ARNT2: variants seen among roughly 807,000 people sequenced by gnomAD.
ARNT2 encodes the protein ARNT protein 2.
In ARNT2, 36 loss-of-function variants were observed where a neutral mutation model predicts 91.7. The observed-to-expected ratio is 0.39, with a 90% confidence interval of 0.30 to 0.52. ARNT2 has a LOEUF of 0.52. Among genes scored for constraint, ARNT2 ranks in the 20% least tolerant of loss-of-function variants. The pLI is 0.72. For missense variants in ARNT2, 775 were observed against 939.3 expected (o/e 0.83, Z 2.29); for synonymous variants, 365 against 347.1 (o/e 1.05, Z -0.57).
At chr15:80,575,538 A>G (rs1446904442) in intron 14 of ARNT2, among the ~76,000 whole-genome samples, 2 of 152,184 alleles carry the variant, frequency 1.3e-5, no homozygotes, top group Non-Finnish European at 2.9e-5. Context: ...TCAAACCACC[A>G]TACAAAGCAC....
intron 2 of ARNT2, among the ~76,000 whole-genome samples, chr15:80,454,229 C>T (rs1896447902): frequency 6.6e-6 from 1 of 152,022 alleles, no homozygotes; most frequent in African/African-American, 2.4e-5. Flanking sequence ...CCTCCCTGAT[C>T]TCAGTGACAG....
intron 12 of ARNT2, among the ~76,000 whole-genome samples, chr15:80,572,214 G>T (rs547701233): frequency 6.6e-6 from 1 of 152,084 alleles, no homozygotes; most frequent in Non-Finnish European, 1.5e-5. Flanking sequence ...CAGGGCAAAT[G>T]CACAGGGGCG....
At chr15:80,555,994 A>C (rs1340223360) in intron 11 of ARNT2, 1 of 145,940 alleles carries the variant, frequency 6.9e-6, no homozygotes, top group Non-Finnish European at 1.5e-5. Flanking sequence ...CAATCAATAC[A>C]AAGTTAAGAG....
intron 4 of ARNT2, among the ~76,000 whole-genome samples, 195 bp from the exon 5 acceptor site, chr15:80,474,815 G>C (rs954747501): frequency 6.6e-6 from 1 of 152,208 alleles, no homozygotes; most frequent in African/African-American, 2.4e-5. Context: ...TACAGTAGCT[G>C]TATCGTAGGG....
At chr15:80,510,159 T>C (rs1313332620) in intron 6 of ARNT2, among the ~76,000 whole-genome samples, 1 of 152,122 alleles carries the variant, frequency 6.6e-6, no homozygotes, top group Non-Finnish European at 1.5e-5. Flanking sequence ...GGAGCCAGCC[T>C]TCAGGCAGGG....
chr15:80,514,998 G>T (rs755784889), intron 8 of ARNT2, among the ~76,000 whole-genome samples: 22 of 152,196 alleles, frequency 1.4e-4, no homozygotes, highest in Non-Finnish European at 2.8e-4. Flanking sequence ...ATTCTATAAA[G>T]TCAGAGTGGC....
chr15:80,553,549 G>A (rs755574963), intron 10 of ARNT2, among the ~76,000 whole-genome samples: 1 of 152,054 alleles, frequency 6.6e-6, no homozygotes, highest in South Asian at 2.1e-4. Flanking sequence ...ATTTCAAATG[G>A]TTCAGTAAGA....
intron 12 of ARNT2, among the ~76,000 whole-genome samples, chr15:80,563,838 C>A (rs1044223202): frequency 1.3e-5 from 2 of 152,208 alleles, no homozygotes; most frequent in Non-Finnish European, 2.9e-5. Context: ...CACTTCCTGG[C>A]TGTGCGTCCT....
rs142740181 is a variant in ARNT2, at chr15:80,566,283, T to C, written c.1316+3044T>C. Among the ~76,000 whole-genome samples the C allele has an allele frequency of 3.0e-3, 456 of 151,706 alleles. 2 individuals carry two copies. The highest frequency in any genetic ancestry group is 0.024 in the Middle Eastern group (7 of 294). Reference sequence around the variant, plus strand: ...CTAACTCTGGGCAGATCACCTTGCCTTCCAACAAACAGAGACACCAGGACC... The same window carrying C: ...CTAACTCTGGGCAGATCACCTTGCCCTCCAACAAACAGAGACACCAGGACC... On this transcript the variant is annotated intron_variant, in intron 12 of 18. Transcript: ENST00000303329.
intron 5 of ARNT2, among the ~76,000 whole-genome samples, chr15:80,505,805 A>C (rs1178358275): frequency 6.6e-6 from 1 of 152,084 alleles, no homozygotes; most frequent in Non-Finnish European, 1.5e-5. Flanking sequence ...AGGAAGAAGA[A>C]TTTGCTTTTG....
At chr15:80,537,117 G>A (rs936110123) in intron 8 of ARNT2, among the ~76,000 whole-genome samples, 6 of 152,130 alleles carry the variant, frequency 3.9e-5, no homozygotes, top group Non-Finnish European at 1.5e-5. Flanking sequence ...AATGTACAAA[G>A]GCCAATTCTG....
At chr15:80,562,778 TGCAGA>T in intron 11 of ARNT2, 1 of 368,120 alleles carries the variant, frequency 2.7e-6, no homozygotes, top group Non-Finnish European at 5.0e-6. Context: ...CGCTCTGGCT[TGCAGA>T]GTTTTCATGA....
intron 3 of ARNT2, among the ~76,000 whole-genome samples, chr15:80,462,486 T>C (rs1432372453): frequency 6.6e-6 from 1 of 152,238 alleles, no homozygotes; most frequent in Non-Finnish European, 1.5e-5. Flanking sequence ...CATGCAGTCC[T>C]CAAACTTTAA....
chr15:80,556,082 G>T (rs1183816621), intron 11 of ARNT2: 1 of 152,096 alleles, frequency 6.6e-6, no homozygotes, highest in Admixed American at 6.6e-5. Context: ...TCAGGAGTTC[G>T]AGACCAGCCT....
Sources: gnomAD v4.1 joint callset for allele counts (sites outside exome capture counted in the v4.1 genomes callset) on GRCh38, gnomAD v4.1.1 for gene constraint, MANE v1.5 for transcripts, NCBI Gene and HGNC (gene_info 2026-07-23, HGNC 2026-07-21) for gene names.